Variants in MEI4 observed in about 807,000 individuals in gnomAD.
MEI4 encodes the protein meiotic double-stranded break formation protein 4.
Under a neutral mutation model 31.4 loss-of-function variants are expected in MEI4, and 27 were observed. The ratio of observed to expected loss-of-function variants is 0.86; its 90% CI spans 0.63 to 1.19. MEI4 has a LOEUF of 1.19. Among genes scored for constraint, MEI4 ranks in the 50% most tolerant of loss-of-function variants. MEI4 has a pLI of 0.00. For synonymous variants in MEI4, 122 were observed against 145.4 expected (o/e 0.84, Z 1.16); for missense variants, 329 against 398.9 (o/e 0.82, Z 1.49).
At chr6:77,894,020 G>A (rs757362685) in intron 4 of MEI4, among the ~76,000 whole-genome samples, 5 of 151,950 alleles carry the variant, frequency 3.3e-5, no homozygotes, top group Non-Finnish European at 7.4e-5. Context: ...GAGAAAATAT[G>A]TTTACTGTTT....
At chr6:77,815,943 A>C (rs574095989) in intron 3 of MEI4, among the ~76,000 whole-genome samples, 1 of 152,156 alleles carries the variant, frequency 6.6e-6, no homozygotes, top group East Asian at 1.9e-4. Context: ...GCTTATAGGC[A>C]GAGGGTTATA....
At chr6:77,803,269 A>T (rs1179019058) in intron 3 of MEI4, among the ~76,000 whole-genome samples, 2 of 152,170 alleles carry the variant, frequency 1.3e-5, no homozygotes, top group African/African-American at 2.4e-5. Flanking sequence ...CAAATCGGCT[A>T]CTGAGGCTTG....
chr6:77,665,623 G>A (rs1468993123), intron 1 of MEI4, among the ~76,000 whole-genome samples: 1 of 152,224 alleles, frequency 6.6e-6, no homozygotes, highest in Non-Finnish European at 1.5e-5. Flanking sequence ...AAACGTGGGT[G>A]AATAATCAGG....
chr6:77,759,741 C>A (rs562893730), intron 2 of MEI4, among the ~76,000 whole-genome samples: 1 of 152,240 alleles, frequency 6.6e-6, no homozygotes, highest in African/African-American at 2.4e-5. Context: ...CTGCTTAGTT[C>A]ATTTCACTCT....
intron 4 of MEI4, among the ~76,000 whole-genome samples, chr6:77,887,626 T>C (rs1562026556): frequency 6.6e-6 from 1 of 152,182 alleles, no homozygotes; most frequent in Non-Finnish European, 1.5e-5. Flanking sequence ...TTTTATTACA[T>C]TGTGGTCTGA....
intron 3 of MEI4, among the ~76,000 whole-genome samples, chr6:77,804,101 G>C (rs1190507375): frequency 2.0e-5 from 3 of 152,162 alleles, no homozygotes; most frequent in Admixed American, 2.0e-4. Context: ...AGGCCTCCTT[G>C]AGGTGCGGTG....
intron 4 of MEI4, among the ~76,000 whole-genome samples, chr6:77,877,193 A>G (rs1771362864): frequency 6.6e-6 from 1 of 152,140 alleles, no homozygotes; most frequent in South Asian, 2.1e-4. Flanking sequence ...AAATGAATGT[A>G]ATCACAATTC....
At chr6:77,681,874 C>T (rs989790332) in intron 1 of MEI4, among the ~76,000 whole-genome samples, 4 of 152,184 alleles carry the variant, frequency 2.6e-5, no homozygotes, top group East Asian at 1.9e-4. Context: ...AAGGCTTCCA[C>T]AGGGGCCCTT....
At chr6:77,699,300 C>T (rs1766146967) in intron 2 of MEI4, among the ~76,000 whole-genome samples, 1 of 150,700 alleles carries the variant, frequency 6.6e-6, no homozygotes, top group Admixed American at 6.6e-5. Flanking sequence ...CGCCATTCTC[C>T]TGCCTCAGCC....
chr6:77,719,316 G>A (rs950603004), intron 2 of MEI4, among the ~76,000 whole-genome samples: 1 of 136,832 alleles, frequency 7.3e-6, no homozygotes, highest in African/African-American at 2.8e-5. Context: ...AGTGATCTTT[G>A]ATAAGAAAAG....
chr6:77,919,804 T>C (rs1766659739), intron 4 of MEI4, among the ~76,000 whole-genome samples: 1 of 148,502 alleles, frequency 6.7e-6, no homozygotes, highest in Non-Finnish European at 1.5e-5. Context: ...CAATAAAAAA[T>C]GATAAAGGGG....
At chr6:77,841,864 A>G (rs1770374535) in intron 4 of MEI4, among the ~76,000 whole-genome samples, 1 of 152,164 alleles carries the variant, frequency 6.6e-6, no homozygotes, top group Non-Finnish European at 1.5e-5. Flanking sequence ...ACATAATGAG[A>G]AAAGTGTCCA....
At chr6:77,828,163 A>G (rs1435310997) in intron 3 of MEI4, among the ~76,000 whole-genome samples, 1 of 151,940 alleles carries the variant, frequency 6.6e-6, no homozygotes, top group Admixed American at 6.6e-5. Context: ...CTTCAACTCT[A>G]TAATTCAGGG....
intron 1 of MEI4, among the ~76,000 whole-genome samples, chr6:77,688,300 ATGT>A (rs1769094242): frequency 6.6e-6 from 1 of 152,088 alleles, no homozygotes; most frequent in Non-Finnish European, 1.5e-5. Flanking sequence ...GTTTGGTTGT[ATGT>A]TGTTGTTCTG....
intron 4 of MEI4, among the ~76,000 whole-genome samples, chr6:77,864,990 A>G (rs1031144145): frequency 6.6e-6 from 1 of 152,250 alleles, no homozygotes; most frequent in Non-Finnish European, 1.5e-5. Flanking sequence ...TACTGGGTAC[A>G]TAATGAAATG....
At chr6:77,680,281 T>A (rs1768932767) in intron 1 of MEI4, among the ~76,000 whole-genome samples, 3 of 149,734 alleles carry the variant, frequency 2.0e-5, no homozygotes, top group African/African-American at 7.4e-5. Context: ...TCTCAAAAAA[T>A]AAAAAATAAA....
chr6:77,773,123 C>A (rs1358443258), intron 3 of MEI4, among the ~76,000 whole-genome samples: 1 of 151,914 alleles, frequency 6.6e-6, no homozygotes. Flanking sequence ...CTACCCCAAG[C>A]AATCTATAGA....
At chr6:77,772,397 G>A (rs1367788200) in intron 3 of MEI4, among the ~76,000 whole-genome samples, 1 of 151,964 alleles carries the variant, frequency 6.6e-6, no homozygotes, top group African/African-American at 2.4e-5. Flanking sequence ...AACCCAGGAT[G>A]CAAGGATGGT....
chr6:77,753,307 G>C (rs534527135), intron 2 of MEI4, among the ~76,000 whole-genome samples: 2 of 152,030 alleles, frequency 1.3e-5, no homozygotes, highest in Non-Finnish European at 2.9e-5. Context: ...TCATCAGAGT[G>C]AACAGCCAAC....
Sources: allele counts gnomAD v4.1 joint callset (sites outside exome capture counted in the v4.1 genomes callset), GRCh38; gene constraint gnomAD v4.1.1; transcripts MANE v1.5; gene names NCBI Gene and HGNC (gene_info 2026-07-23, HGNC 2026-07-21).